CPNE4: variants seen among roughly 807,000 people sequenced by gnomAD.
CPNE4 encodes copine-4.
In CPNE4, 25 loss-of-function variants were observed where a neutral mutation model predicts 67.9. The observed-to-expected ratio is 0.37, with a 90% CI of 0.27 to 0.51. The LOEUF is 0.51. Ranked by LOEUF, CPNE4 falls within the 20% of genes least tolerant of loss-of-function variation. CPNE4 has a pLI of 0.93. For missense variants in CPNE4, 464 were observed against 690.8 expected, an observed-to-expected ratio of 0.67 and a Z score of 3.68; for synonymous variants, 242 against 244.9, an observed-to-expected ratio of 0.99 and a Z score of 0.11.
At chr3:131,841,853 G>A (rs1357234324) in intron 2 of CPNE4, among the ~76,000 whole-genome samples, 1 of 152,164 alleles carries the variant, frequency 6.6e-6, no homozygotes, top group Non-Finnish European at 1.5e-5. Flanking sequence ...AATAAAGAAG[G>A]AAATATCCTG....
intron 9 of CPNE4, among the ~76,000 whole-genome samples, chr3:131,580,605 T>A (rs1157894479): frequency 2.0e-5 from 3 of 152,124 alleles, no homozygotes; most frequent in African/African-American, 7.2e-5. Context: ...TTACTACTTG[T>A]GTGACTCTGA....
intron 1 of CPNE4, among the ~76,000 whole-genome samples, chr3:131,925,872 C>T (rs971615861): frequency 2.6e-5 from 4 of 151,988 alleles, no homozygotes; most frequent in African/African-American, 9.7e-5. Context: ...CCATATTATC[C>T]TGCATTTATT....
intron 3 of CPNE4, among the ~76,000 whole-genome samples, chr3:131,712,359 C>G (rs1286791448): frequency 3.9e-5 from 6 of 152,224 alleles, no homozygotes; most frequent in Admixed American, 6.5e-5. Flanking sequence ...CTCCCAGTCT[C>G]TTGGCCTGTA....
chr3:131,691,615 G>A (rs1371725022), intron 5 of CPNE4, among the ~76,000 whole-genome samples: 1 of 150,884 alleles, frequency 6.6e-6, no homozygotes, highest in East Asian at 1.9e-4. Flanking sequence ...CATGGGTAAT[G>A]AGATCAATTG....
intron 7 of CPNE4, among the ~76,000 whole-genome samples, chr3:131,597,160 T>C (rs1489465859): frequency 6.6e-6 from 1 of 152,112 alleles, no homozygotes; most frequent in African/African-American, 2.4e-5. Context: ...ATGAAGAAAC[T>C]AAGAACAGAG....
chr3:131,537,389 T>G (rs1935218047), intron 15 of CPNE4, among the ~76,000 whole-genome samples: 2 of 149,724 alleles, frequency 1.3e-5, no homozygotes, highest in South Asian at 4.3e-4. Context: ...ATTCAAGCAA[T>G]TCTCCTGCTT....
intron 14 of CPNE4, among the ~76,000 whole-genome samples, chr3:131,543,380 A>G (rs1342105814): frequency 2.0e-5 from 3 of 152,224 alleles, no homozygotes; most frequent in African/African-American, 7.2e-5. Context: ...TATGTTTGGA[A>G]CAACTTCAGT....
intron 7 of CPNE4, among the ~76,000 whole-genome samples, chr3:131,617,788 T>G (rs1559991436): frequency 1.3e-5 from 2 of 152,318 alleles, no homozygotes; most frequent in South Asian, 2.1e-4. Context: ...CTTTCTTTAT[T>G]TCCAACAAAC....
chr3:131,781,502 C>T (rs2083431446), intron 2 of CPNE4, among the ~76,000 whole-genome samples: 1 of 152,050 alleles, frequency 6.6e-6, no homozygotes, highest in African/African-American at 2.4e-5. Flanking sequence ...TTCAGAATCT[C>T]AGTAGCAGAG....
In CPNE4 at chr3:131,990,001, A is replaced by G. The variant is rs2073140503; in HGVS notation, c.-2+44566T>C. 1.5e-5 allele frequency among the ~76,000 whole-genome samples: 2 copies of G among 136,394 alleles called. 1 individual carries two copies. The highest frequency in any genetic ancestry group is 5.1e-4 in the South Asian group (2 of 3,948). 89.5% of individuals were successfully genotyped at this position (136,394 alleles called of 152,430 possible). ...AGGGGAATGTTGCTGGACTATGGGC[A>G]TAATGAAAATAATGGATTATTGTGA... On this transcript the variant is annotated intron_variant, in intron 1 of 15. Coordinates refer to ENST00000429747, the MANE Select transcript of CPNE4 (RefSeq NM_130808.3).
chr3:131,649,583 GC>G (rs1272792079), intron 7 of CPNE4, among the ~76,000 whole-genome samples: 1 of 152,180 alleles, frequency 6.6e-6, no homozygotes, highest in African/African-American at 2.4e-5. Flanking sequence ...CAAGTCTCTT[GC>G]CTTTCACTTC....
intron 2 of CPNE4, among the ~76,000 whole-genome samples, chr3:131,825,404 G>A (rs1226890747): frequency 1.3e-5 from 2 of 151,272 alleles, no homozygotes; most frequent in African/African-American, 4.9e-5. Flanking sequence ...TGAGGCAGGG[G>A]AATCACTTGA....
chr3:131,958,826 T>G (rs891774739), intron 1 of CPNE4, among the ~76,000 whole-genome samples: 2 of 151,366 alleles, frequency 1.3e-5, no homozygotes, highest in South Asian at 4.2e-4. Context: ...GCCCAGCTAA[T>G]TTTTTGTATT....
chr3:131,817,392 T>A (rs994793029), intron 2 of CPNE4, among the ~76,000 whole-genome samples: 1 of 152,076 alleles, frequency 6.6e-6, no homozygotes, highest in African/African-American at 2.4e-5. Context: ...GCGGAATATA[T>A]CTGTTATATT....
rs570467555 is a variant in CPNE4 at position 131,951,707 on chromosome 3, CG to C, written c.-1-46264del. 7.8e-3 allele frequency among the ~76,000 whole-genome samples: 1,181 copies of C among 152,354 alleles called. 15 individuals carry two copies. Among genetic ancestry groups the C allele is most frequent in the African/African-American group, 0.026 (1,100 of 41,578 alleles). On this transcript the variant is annotated intron_variant, in intron 1 of 15. Coordinates refer to ENST00000429747, the MANE Select transcript of CPNE4 (RefSeq NM_130808.3). ...CCTGCCGAGTGCCTGCGACTGCAAG[CG>C]CGTGCCGCCACGCCTGACTGGTTTT...
At chr3:131,908,928 G>A (rs1380561058) in intron 1 of CPNE4, among the ~76,000 whole-genome samples, 1 of 152,070 alleles carries the variant, frequency 6.6e-6, no homozygotes, top group African/African-American at 2.4e-5. Context: ...CACAATACCA[G>A]GTATATTGTG....
intron 1 of CPNE4, among the ~76,000 whole-genome samples, chr3:131,979,937 T>C (rs1351517848): frequency 3.9e-5 from 6 of 152,106 alleles, no homozygotes; most frequent in Admixed American, 3.9e-4. Flanking sequence ...AAGACTATAT[T>C]TTTCCTTCAT....
intron 6 of CPNE4, among the ~76,000 whole-genome samples, chr3:131,670,252 C>T (rs537113294): frequency 1.3e-5 from 2 of 152,262 alleles, no homozygotes; most frequent in East Asian, 3.9e-4. Context: ...TGAGTCACAT[C>T]AGATTGCAAG....
rs183462535 is a variant in CPNE4 at position 131,780,133 on chromosome 3, T to A, written c.181-56508A>T. 5.5e-4 allele frequency among the ~76,000 whole-genome samples: 83 copies of A among 152,084 alleles called. 1 individual carries two copies. Among genetic ancestry groups the A allele is most frequent in the African/African-American group, 1.9e-3 (77 of 41,494 alleles). ...TGCAAATCAAAAACACAATGAGATATCATCTCACATCAGTCAGAATAGCTA... is the reference window on the plus strand; with the variant it reads ...TGCAAATCAAAAACACAATGAGATAACATCTCACATCAGTCAGAATAGCTA... On this transcript the variant is annotated intron_variant, in intron 2 of 15. Transcript: ENST00000429747.
Sources: allele counts gnomAD v4.1 joint callset (sites outside exome capture counted in the v4.1 genomes callset), GRCh38; gene constraint gnomAD v4.1.1; transcripts MANE v1.5; gene names NCBI Gene and HGNC (gene_info 2026-07-23, HGNC 2026-07-21).